The following PARD3B variants were observed in gnomAD, a reference collection of about 807,000 sequenced individuals.
PARD3B encodes partitioning defective 3 homolog B.
Under a neutral mutation model 130.2 loss-of-function variants are expected in PARD3B, and 103 were observed. That is an observed-to-expected ratio of 0.79 (90% CI 0.67 to 0.93). The LOEUF is 0.93. Ranked by LOEUF, PARD3B falls within the 40% of genes least tolerant of loss-of-function variation. PARD3B has a pLI of 0.00. For missense variants in PARD3B, 1,609 were observed against 1,499.2 expected (o/e 1.07, Z -1.21); for synonymous variants, 583 against 553.2 (o/e 1.05, Z -0.76).
chr2:205,369,715 A>G (rs1286679726), intron 18 of PARD3B, among the ~76,000 whole-genome samples: 1 of 152,072 alleles, frequency 6.6e-6, no homozygotes, highest in Non-Finnish European at 1.5e-5. Flanking sequence ...CATTACAGAT[A>G]ATCACAGTGT....
At chr2:205,596,729 G>A (rs896938769) in intron 22 of PARD3B, among the ~76,000 whole-genome samples, 1 of 152,114 alleles carries the variant, frequency 6.6e-6, no homozygotes, top group Non-Finnish European at 1.5e-5. Flanking sequence ...AATCATGTTT[G>A]TGGCCAAATA....
intron 2 of PARD3B, among the ~76,000 whole-genome samples, chr2:204,961,725 A>G (rs1017214442): frequency 1.3e-5 from 2 of 152,210 alleles, no homozygotes; most frequent in Admixed American, 6.5e-5. Context: ...AAATAAGGGT[A>G]TACCAAGAGA....
At position 204,673,983 on chromosome 2, in the gene PARD3B, T is replaced by C. The variant is rs1221115056; in HGVS notation, c.121-12198T>C. 6.6e-6 allele frequency among the ~76,000 whole-genome samples: 1 copy of C among 152,164 alleles called. No homozygotes were observed. The highest frequency in any genetic ancestry group is 1.5e-5 in the Non-Finnish European group (1 of 68,026). ...ATCTAAGTCTCAAGATTTGAGCTTT[T>C]ACTCAGTATCAATAAAATGGCTTTC... On this transcript the variant is annotated intron_variant, in intron 1 of 22. Transcript: ENST00000406610. This position sits in a 1 kb window ranked among gnomAD's most constrained non-coding sequence, Gnocchi z 4.7.
Position 204,742,636 on chromosome 2 carries a change from T to A in PARD3B, c.222+56354T>A, listed in dbSNP as rs138076632. ...GATCAACACCCTTTTCTCAGTTGAT[T>A]CTTCTCATTGATACCTTTGCCTTTA... On this transcript the variant is annotated intron_variant, in intron 2 of 22. Coordinates refer to ENST00000406610, the MANE Select transcript of PARD3B (RefSeq NM_001302769.2). Among the ~76,000 whole-genome samples, 62 of 152,310 alleles carry A rather than the reference T, an allele frequency of 4.1e-4. 1 individual carries two copies. The highest frequency in any genetic ancestry group is 1.5e-3 in the African/African-American group (61 of 41,572).
At chr2:204,640,407 A>G (rs957406790) in intron 1 of PARD3B, among the ~76,000 whole-genome samples, 24 of 146,608 alleles carry the variant, frequency 1.6e-4, no homozygotes, top group African/African-American at 6.6e-4. Context: ...AGAACATAGG[A>G]CAATGGGGGA....
chr2:204,986,343 C>T (rs1222762968), intron 3 of PARD3B, among the ~76,000 whole-genome samples: 2 of 152,140 alleles, frequency 1.3e-5, no homozygotes, highest in African/African-American at 2.4e-5. Context: ...TTCTTCAAAA[C>T]ATGTCTATAC....
intron 10 of PARD3B, among the ~76,000 whole-genome samples, chr2:205,126,751 TCAAAAAAAAAAAAAAAA>T (rs2031464311): frequency 7.5e-5 from 1 of 13,256 alleles, no homozygotes; most frequent in African/African-American, 6.0e-4. Context: ...AGACTCCGTC[TCAAAAAAAAAAAAAAAA>T]AAAAAAAAAA....
At chr2:204,657,837 T>G (rs1013961990) in intron 1 of PARD3B, among the ~76,000 whole-genome samples, 30 of 152,220 alleles carry the variant, frequency 2.0e-4, no homozygotes, top group Admixed American at 3.3e-4. Context: ...AAACCATGGT[T>G]GCATGCAAGT....
Position 205,421,162 on chromosome 2 carries a change from A to C in PARD3B, c.2742-19208A>C, listed in dbSNP as rs2046959423. On this transcript the variant is annotated intron_variant, in intron 19 of 22. Transcript: ENST00000406610. The surrounding 1 kb of genome is among the most constrained non-coding windows in gnomAD (Gnocchi z 5.1). ...AAAAAAAACAAAACAAAAAAAACGG[A>C]AAAGAAAATATGTGCTGTATATTGG... Among the ~76,000 whole-genome samples the C allele has an allele frequency of 6.6e-6, 1 of 152,066 alleles. No individual in the cohort carries two copies. The highest frequency in any genetic ancestry group is 2.4e-5 in the African/African-American group (1 of 41,412).
At chr2:205,192,350 G>T (rs1217104746) in intron 14 of PARD3B, among the ~76,000 whole-genome samples, 2 of 152,036 alleles carry the variant, frequency 1.3e-5, no homozygotes, top group Non-Finnish European at 2.9e-5. Flanking sequence ...CTATATTTGG[G>T]ATTAGAATAG....
At chr2:205,040,417 G>A (rs547294560) in intron 3 of PARD3B, among the ~76,000 whole-genome samples, 8 of 152,300 alleles carry the variant, frequency 5.3e-5, no homozygotes, top group African/African-American at 1.9e-4. Context: ...ATGGTTAGAA[G>A]GAAAGTTTCT....
At chr2:205,388,524 G>A (rs1260927656) in intron 18 of PARD3B, among the ~76,000 whole-genome samples, 2 of 152,116 alleles carry the variant, frequency 1.3e-5, no homozygotes, top group African/African-American at 4.8e-5. Flanking sequence ...CAATACTTTT[G>A]TGATTGTGTG....
Position 205,616,540 on chromosome 2 carries a change from G to A in PARD3B, c.*727G>A, listed in dbSNP as rs950876628. 2 of 152,234 alleles carry A rather than the reference G, an allele frequency of 1.3e-5. No homozygotes were observed. Among genetic ancestry groups the A allele is most frequent in the Admixed American group, 6.5e-5 (1 of 15,284 alleles). The allele number at this position is 152,234 out of a possible 1,614,324, so 9.4% of individuals were successfully genotyped here. On this transcript the variant is annotated 3_prime_UTR_variant, in exon 23 of 23. Transcript: ENST00000406610. ...GGGAGGATGTGCACAGCTGGTCAGA[G>A]CTTCCAGAAGGAATATCTTCCGAGG...
chr2:204,693,823 C>G (rs1331615537), intron 2 of PARD3B, among the ~76,000 whole-genome samples: 3 of 151,932 alleles, frequency 2.0e-5, no homozygotes, highest in Non-Finnish European at 4.4e-5. Context: ...TATCCTTGTC[C>G]CTATTTCCTG....
intron 16 of PARD3B, among the ~76,000 whole-genome samples, chr2:205,296,295 C>A (rs1395588281): frequency 6.6e-6 from 1 of 152,192 alleles, no homozygotes; most frequent in African/African-American, 2.4e-5. Context: ...TCAGTATTAA[C>A]CACTACCCTC....
intron 18 of PARD3B, among the ~76,000 whole-genome samples, chr2:205,374,024 T>C (rs2044929348): frequency 6.6e-6 from 1 of 152,092 alleles, no homozygotes; most frequent in African/African-American, 2.4e-5. Context: ...TAACTGTCAG[T>C]AGCGATCATG....
intron 20 of PARD3B, among the ~76,000 whole-genome samples, chr2:205,471,568 AGCCAG>A (rs1486006180): frequency 6.6e-6 from 1 of 151,794 alleles, no homozygotes; most frequent in Non-Finnish European, 1.5e-5. Flanking sequence ...TCATCATGTT[AGCCAG>A]GCTGGTCTCA....
chr2:205,426,300 T>C (rs2047144628), intron 19 of PARD3B, among the ~76,000 whole-genome samples: 1 of 152,142 alleles, frequency 6.6e-6, no homozygotes, highest in African/African-American at 2.4e-5. Context: ...CTCACATTGT[T>C]CCTGACCAGG....
chr2:204,980,008 G>T (rs1238940490), intron 3 of PARD3B, among the ~76,000 whole-genome samples: 1 of 152,064 alleles, frequency 6.6e-6, no homozygotes, highest in African/African-American at 2.4e-5. Context: ...GTGCAATAAA[G>T]AACTTCTGTT....
Sources: allele counts gnomAD v4.1 joint callset (sites outside exome capture counted in the v4.1 genomes callset), GRCh38; gene constraint gnomAD v4.1.1; non-coding constraint Gnocchi (gnomAD v3.1); transcripts MANE v1.5; gene names NCBI Gene and HGNC (gene_info 2026-07-23, HGNC 2026-07-21).